The following CORIN variants were observed in gnomAD, a reference collection of about 807,000 sequenced individuals.
The protein encoded by CORIN is corin, serine peptidase.
Under a neutral mutation model 125.3 loss-of-function variants are expected in CORIN, and 117 were observed. The observed-to-expected ratio is 0.93, with a 90% CI of 0.80 to 1.09. CORIN has a LOEUF of 1.09. Ranked by LOEUF, CORIN falls within the 50% of genes least tolerant of loss-of-function variation. The pLI is 0.00. For synonymous variants in CORIN, 450 were observed against 466.4 expected, an observed-to-expected ratio of 0.96 and a Z score of 0.45; for missense variants, 1,253 against 1,306.7, an observed-to-expected ratio of 0.96 and a Z score of 0.63.
At chr4:47,688,638 A>G (rs1198060778) in intron 6 of CORIN, among the ~76,000 whole-genome samples, 1 of 152,196 alleles carries the variant, frequency 6.6e-6, no homozygotes, top group Non-Finnish European at 1.5e-5. Flanking sequence ...AATAGTTTCT[A>G]TGTGTATACG....
intron 5 of CORIN, among the ~76,000 whole-genome samples, chr4:47,724,328 T>A (rs1234415294): frequency 1.3e-5 from 2 of 152,124 alleles, no homozygotes; most frequent in African/African-American, 2.4e-5. Context: ...AGATATTATC[T>A]AATATGAACA....
chr4:47,650,778 G>A (rs1329211987), intron 13 of CORIN, among the ~76,000 whole-genome samples: 2 of 152,150 alleles, frequency 1.3e-5, no homozygotes, highest in Admixed American at 6.5e-5. Context: ...GACATCTTAA[G>A]CATCCTTAAG....
intron 2 of CORIN, among the ~76,000 whole-genome samples, chr4:47,800,909 G>T (rs1222305259): frequency 6.6e-6 from 1 of 151,958 alleles, no homozygotes; most frequent in East Asian, 1.9e-4. Context: ...GCATCCTCCA[G>T]AGCATTGCCC....
In CORIN at chr4:47,781,956, C is replaced by A. The variant is rs181369027; in HGVS notation, c.409+4769G>T. Among the ~76,000 whole-genome samples the A allele has an allele frequency of 4.6e-3, 694 of 150,198 alleles. 4 individuals are homozygous for A. Among genetic ancestry groups the A allele is most frequent in the Non-Finnish European group, 7.0e-3 (470 of 67,382 alleles). ...CCATCTCAAAAAAAGAAAAATAAAT[C>A]AAAAATGGTTAGAAGAAATAAAGAA... On this transcript the variant is annotated intron_variant, in intron 3 of 21. Transcript: ENST00000273857.
In CORIN at chr4:47,603,581, C is replaced by T. The variant is rs139246524; in HGVS notation, c.2628G>A (p.Lys876=). ...PSVFMQTRFV[K]TIILHPRYSR... ...TGTAGCGGGGATGCAGGATGATGGTCTTCACAAAGCGTGTCTGCATGAACA... is the reference window on the plus strand; with the variant it reads ...TGTAGCGGGGATGCAGGATGATGGTTTTCACAAAGCGTGTCTGCATGAACA... Residue 876 remains lysine, a synonymous_variant, in exon 20 of 22, where the codon AAG becomes AAA. Transcript: ENST00000273857. 68 of 1,614,168 alleles carry T rather than the reference C, an allele frequency of 4.2e-5. No individual in the cohort carries two copies. The African/African-American group carries it at 8.1e-4, about 19-fold the overall frequency.
intron 5 of CORIN, among the ~76,000 whole-genome samples, chr4:47,732,495 C>T (rs1487490847): frequency 1.3e-5 from 2 of 152,058 alleles, no homozygotes; most frequent in African/African-American, 4.8e-5. Context: ...ATATGTTGTA[C>T]ACTAGTTCCC....
chr4:47,633,915 C>G (rs572762440), intron 16 of CORIN, among the ~76,000 whole-genome samples: 1 of 152,020 alleles, frequency 6.6e-6, no homozygotes, highest in Non-Finnish European at 1.5e-5. Context: ...TCTAAAAATA[C>G]GTGCATCACT....
Position 47,634,403 on chromosome 4 carries a change from G to T in CORIN, c.2198+7517C>A, listed in dbSNP as rs185884870. Among the ~76,000 whole-genome samples the T allele has an allele frequency of 2.6e-3, 392 of 152,380 alleles. 2 individuals are homozygous for T. Among genetic ancestry groups the T allele is most frequent in the Admixed American group, 4.1e-3 (63 of 15,304 alleles). On this transcript the variant is annotated intron_variant, in intron 16 of 21. Coordinates refer to ENST00000273857, the MANE Select transcript of CORIN (RefSeq NM_006587.4). ...AATCCCAGCACTTTGGGAGGCCAAA[G>T]CAGGTGGATCACGTGAGGTCGGGAG... is the stretch of plus-strand genomic sequence containing the variant.
chr4:47,653,769 G>A (rs1723842108), intron 12 of CORIN, 109 bp from the exon 13 acceptor site: 2 of 922,300 alleles, frequency 2.2e-6, no homozygotes, highest in East Asian at 5.2e-5. Flanking sequence ...AGATAAGGGT[G>A]GTCTCTTGCA....
chr4:47,805,616 C>T (rs1306856583), intron 2 of CORIN, among the ~76,000 whole-genome samples: 1 of 152,124 alleles, frequency 6.6e-6, no homozygotes, highest in Non-Finnish European at 1.5e-5. Context: ...TCAGAGTTCT[C>T]CTTTCTTGGA....
rs369978563 is a variant in CORIN at position 47,609,344 on chromosome 4, A to G, written c.2541-5676T>C. ...AACCTTTGCCTCAGAGGTTCAAGCGATTCTCCTGCCTCAGCCTCCTAAGTA... is the reference window on the plus strand; with the variant it reads ...AACCTTTGCCTCAGAGGTTCAAGCGGTTCTCCTGCCTCAGCCTCCTAAGTA... On this transcript the variant is annotated intron_variant, in intron 19 of 21. Coordinates refer to ENST00000273857, the MANE Select transcript of CORIN (RefSeq NM_006587.4). 2.8e-4 allele frequency among the ~76,000 whole-genome samples: 42 copies of G among 152,192 alleles called. No homozygotes were observed. In the East Asian group the frequency reaches 6.6e-3, roughly 24 times the overall value.
intron 2 of CORIN, among the ~76,000 whole-genome samples, chr4:47,797,195 G>A (rs1037360366): frequency 2.7e-5 from 4 of 148,658 alleles, no homozygotes; most frequent in African/African-American, 7.3e-5. Context: ...GTTGCATGAT[G>A]ATGTATATTT....
intron 19 of CORIN, among the ~76,000 whole-genome samples, chr4:47,618,032 G>A (rs1722136235): frequency 6.6e-6 from 1 of 152,184 alleles, no homozygotes; most frequent in Non-Finnish European, 1.5e-5. Context: ...GAAGAGCATA[G>A]ACATAGGATT....
chr4:47,655,245 C>G (rs1723919236), intron 12 of CORIN, among the ~76,000 whole-genome samples: 1 of 151,770 alleles, frequency 6.6e-6, no homozygotes, highest in African/African-American at 2.4e-5. Context: ...TCAGCACATT[C>G]CCAGCTGTGA....
intron 6 of CORIN, among the ~76,000 whole-genome samples, chr4:47,684,353 T>C (rs1307472677): frequency 6.6e-6 from 1 of 152,216 alleles, no homozygotes; most frequent in Non-Finnish European, 1.5e-5. Flanking sequence ...GCAAGTACTG[T>C]CCAAAGACTA....
intron 1 of CORIN, among the ~76,000 whole-genome samples, chr4:47,833,813 C>T (rs953664315): frequency 1.3e-5 from 2 of 152,160 alleles, no homozygotes; most frequent in South Asian, 2.1e-4. Flanking sequence ...AGATGCTCAA[C>T]ATCACCAATC....
rs1730826739 is a variant in CORIN, at chr4:47,786,614, T to C, written c.409+111A>G. The C allele has an allele frequency of 3.9e-6, 3 of 778,438 alleles. No individual in the cohort carries two copies. The African/African-American group carries it at 5.2e-5, about 14-fold the overall frequency. 48.2% of individuals were successfully genotyped at this position (778,438 alleles called of 1,614,324 possible). A position where few individuals can be genotyped will look rare whatever the true frequency, so the allele number is the denominator to read the frequency against. On this transcript the variant is annotated intron_variant, in intron 3 of 21. Transcript: ENST00000273857. ...CGCTTACCAGGAAACTGAGTGGAGA[T>C]TTTCCTGTGTGACCGGCAAGTGATT...
At position 47,623,887 on chromosome 4, in the gene CORIN, T is replaced by C. The variant is rs1296714891; in HGVS notation, c.2365+12A>G. 6.2e-7 allele frequency: 1 copy of C among 1,612,960 alleles called. No individual in the cohort carries two copies. Among genetic ancestry groups the C allele is most frequent in the East Asian group, 2.2e-5 (1 of 44,898 alleles). On this transcript the variant is annotated intron_variant, in intron 18 of 21. Transcript: ENST00000273857. ...AGTTCATATCCCATTGCCACACCTC[T>C]AATTCTCTCACCTTGTTTAGTACAC...
chr4:47,706,385 A>C, intron 5 of CORIN: 6 of 1,607,256 alleles, frequency 3.7e-6, no homozygotes, highest in Non-Finnish European at 5.1e-6. Context: ...GGTGCATACA[A>C]GTATATCCAG....
Sources: gnomAD v4.1 joint callset for allele counts (sites outside exome capture counted in the v4.1 genomes callset) on GRCh38, gnomAD v4.1.1 for gene constraint, MANE v1.5 for transcripts, NCBI Gene and HGNC (gene_info 2026-07-23, HGNC 2026-07-21) for gene names.